Variants in CACNA2D3 observed in about 807,000 individuals in gnomAD.
The protein encoded by CACNA2D3 is calcium voltage-gated channel auxiliary subunit alpha2delta 3.
CACNA2D3 carries 60 observed loss-of-function variants against 160.6 expected under a neutral mutation model. That is an observed-to-expected ratio of 0.37 (90% CI 0.30 to 0.46). The LOEUF is 0.46. Ranked by LOEUF, CACNA2D3 falls within the 20% of genes least tolerant of loss-of-function variation. CACNA2D3 has a pLI of 1.00. For missense variants in CACNA2D3, 1,205 were observed against 1,365.0 expected (o/e 0.88, Z 1.85); for synonymous variants, 558 against 492.9 (o/e 1.13, Z -1.75).
chr3:54,763,711 A>G (rs1702135292), intron 12 of CACNA2D3, among the ~76,000 whole-genome samples: 1 of 131,628 alleles, frequency 7.6e-6, no homozygotes, highest in Non-Finnish European at 1.7e-5. Context: ...ATATGTATAT[A>G]TATGTACATA....
At chr3:54,277,965 T>G (rs1702784589) in intron 2 of CACNA2D3, among the ~76,000 whole-genome samples, 1 of 152,084 alleles carries the variant, frequency 6.6e-6, no homozygotes, top group Admixed American at 6.5e-5. Flanking sequence ...CCAAAAGCAA[T>G]GGCAACAAAA....
intron 13 of CACNA2D3, among the ~76,000 whole-genome samples, chr3:54,811,465 CTTTTTT>C (rs71096451): frequency 1.8e-5 from 2 of 111,620 alleles, no homozygotes. Flanking sequence ...TCCCTCAGTT[CTTTTTT>C]TTTTTTTTTT....
At chr3:54,891,106 A>G (rs1423950332) in intron 24 of CACNA2D3, among the ~76,000 whole-genome samples, 4 of 151,720 alleles carry the variant, frequency 2.6e-5, no homozygotes, top group Admixed American at 6.6e-5. Context: ...TTTTGTTGGC[A>G]GGAAGTTCTT....
At chr3:54,209,988 T>G (rs939791268) in intron 2 of CACNA2D3, among the ~76,000 whole-genome samples, 2 of 152,170 alleles carry the variant, frequency 1.3e-5, no homozygotes, top group African/African-American at 4.8e-5. Flanking sequence ...TTATAGGGCA[T>G]CTACTATATA....
intron 4 of CACNA2D3, among the ~76,000 whole-genome samples, chr3:54,417,837 A>T (rs1699780150): frequency 2.0e-5 from 3 of 150,950 alleles, no homozygotes; most frequent in Non-Finnish European, 4.4e-5. Context: ...CCCAGGCTGG[A>T]GTGCAGTGGT....
chr3:54,549,625 T>TGCTGCCCACATGCCCCCA (rs1702123414), intron 5 of CACNA2D3, among the ~76,000 whole-genome samples: 2 of 152,220 alleles, frequency 1.3e-5, no homozygotes, highest in East Asian at 1.9e-4. Context: ...CACAGCCCTC[T>TGCTGCCCACATGCCCCCA]GCTGCCCACA....
chr3:54,737,978 T>C (rs1701567601), intron 11 of CACNA2D3, among the ~76,000 whole-genome samples: 2 of 152,160 alleles, frequency 1.3e-5, no homozygotes, highest in Admixed American at 6.5e-5. Flanking sequence ...AGGGACTCTA[T>C]CTTATTCCTG....
At chr3:54,698,297 C>T (rs2106943617) in intron 11 of CACNA2D3, among the ~76,000 whole-genome samples, 1 of 152,284 alleles carries the variant, frequency 6.6e-6, no homozygotes. Flanking sequence ...CTTATTGACA[C>T]ACAGGGATGA....
intron 5 of CACNA2D3, among the ~76,000 whole-genome samples, chr3:54,514,310 A>G (rs559266377): frequency 6.6e-6 from 1 of 152,226 alleles, no homozygotes; most frequent in Non-Finnish European, 1.5e-5. Context: ...GGAGGTGATG[A>G]TGATCAGAAT....
In CACNA2D3 at chr3:54,159,397, ACAT is replaced by A. The variant is rs1178315707; in HGVS notation, c.204+35807_204+35809del. 2.0e-5 allele frequency among the ~76,000 whole-genome samples: 3 copies of A among 152,196 alleles called. No individual in the cohort carries two copies. In the East Asian group the frequency reaches 5.8e-4, roughly 29 times the overall value. ...ATTATGTTTTACATGGTATTATTAC[ACAT>A]CATAAGAGTCCTTTTTAATAACTGT... On this transcript the variant is annotated intron_variant, in intron 2 of 37. Transcript: ENST00000474759.
intron 3 of CACNA2D3, among the ~76,000 whole-genome samples, chr3:54,325,999 C>A (rs1704113541): frequency 1.3e-5 from 2 of 151,998 alleles, no homozygotes; most frequent in African/African-American, 4.8e-5. Flanking sequence ...TTAAGTTTTC[C>A]CCCCTTCCTA....
intron 34 of CACNA2D3, among the ~76,000 whole-genome samples, chr3:55,012,840 G>A (rs1449187730): frequency 6.6e-6 from 1 of 152,228 alleles, no homozygotes; most frequent in African/African-American, 2.4e-5. Context: ...CAGTGACTAA[G>A]GGAGCCAGGT....
At chr3:55,009,577 A>G (rs1184615790) in intron 34 of CACNA2D3, 134 bp downstream of exon 34, 2 of 804,120 alleles carry the variant, frequency 2.5e-6, no homozygotes, top group Non-Finnish European at 4.1e-6. Flanking sequence ...CTCTGTCAGC[A>G]AAAAGCCAGC....
intron 2 of CACNA2D3, among the ~76,000 whole-genome samples, chr3:54,186,571 C>G (rs1348997367): frequency 6.6e-6 from 1 of 152,048 alleles, no homozygotes; most frequent in Non-Finnish European, 1.5e-5. Flanking sequence ...ACCTTTTTCT[C>G]TTTTCACCCA....
At chr3:54,162,399 T>A (rs532632036) in intron 2 of CACNA2D3, among the ~76,000 whole-genome samples, 1 of 152,098 alleles carries the variant, frequency 6.6e-6, no homozygotes, top group Non-Finnish European at 1.5e-5. Context: ...TACTGGAACC[T>A]CAGCTGGGCT....
intron 4 of CACNA2D3, among the ~76,000 whole-genome samples, chr3:54,423,854 C>T (rs111650005): frequency 4.6e-4 from 70 of 151,958 alleles, no homozygotes; most frequent in African/African-American, 1.5e-3. Flanking sequence ...GGGTGCCATG[C>T]TGGGTTTAAT....
At chr3:55,051,806 G>A (rs1055386319) in intron 35 of CACNA2D3, among the ~76,000 whole-genome samples, 10 of 152,308 alleles carry the variant, frequency 6.6e-5, no homozygotes, top group Admixed American at 5.9e-4. Flanking sequence ...ATAATCTCGT[G>A]GTGCGCCGTT....
At chr3:54,945,190 C>G (rs928740035) in intron 27 of CACNA2D3, among the ~76,000 whole-genome samples, 1 of 152,212 alleles carries the variant, frequency 6.6e-6, no homozygotes, top group Non-Finnish European at 1.5e-5. Flanking sequence ...CCTCCCTCAT[C>G]TGAACATTAG....
intron 31 of CACNA2D3, among the ~76,000 whole-genome samples, chr3:54,999,475 C>G (rs1433425424): frequency 6.6e-6 from 1 of 152,182 alleles, no homozygotes; most frequent in African/African-American, 2.4e-5. Flanking sequence ...GCTTCTCAGA[C>G]TTTTCAATTC....
Sources: allele counts gnomAD v4.1 joint callset (sites outside exome capture counted in the v4.1 genomes callset), GRCh38; gene constraint gnomAD v4.1.1; transcripts MANE v1.5; gene names NCBI Gene and HGNC (gene_info 2026-07-23, HGNC 2026-07-21).